Variants in TRIM71 observed in about 807,000 individuals in gnomAD.
The protein encoded by TRIM71 is tripartite motif containing 71, also known as E3 ubiquitin-protein ligase TRIM71.
Under a neutral mutation model 61.2 loss-of-function variants are expected in TRIM71, and 9 were observed. That is an observed-to-expected ratio of 0.15 (90% confidence interval 0.09 to 0.26). The LOEUF is 0.26. Among genes scored for constraint, TRIM71 ranks in the 10% least tolerant of loss-of-function variants. The pLI is 1.00. For synonymous variants in TRIM71, 645 were observed against 553.2 expected, an observed-to-expected ratio of 1.17 and a Z score of -2.33; for missense variants, 998 against 1,238.7, an observed-to-expected ratio of 0.81 and a Z score of 2.92.
intron 1 of TRIM71, among the ~76,000 whole-genome samples, chr3:32,828,502 CTTTTTTTTTTT>C (rs67014189): frequency 3.2e-5 from 3 of 93,248 alleles, no homozygotes; most frequent in South Asian, 4.1e-4. Context: ...CAATTGTAAA[CTTTTTTTTTTT>C]TTTTTTTTTT....
intron 3 of TRIM71, among the ~76,000 whole-genome samples, chr3:32,888,306 A>G (rs1458382556): frequency 6.6e-6 from 1 of 151,948 alleles, no homozygotes; most frequent in African/African-American, 2.4e-5. Context: ...TACAGAAGTA[A>G]AGAGAAACTG....
At chr3:32,889,345 A>G (rs1295812217) in intron 3 of TRIM71, among the ~76,000 whole-genome samples, 2 of 152,046 alleles carry the variant, frequency 1.3e-5, no homozygotes, top group Non-Finnish European at 2.9e-5. Context: ...AGACACAGTC[A>G]TGGCACACTA....
At position 32,890,107 on chromosome 3, in the gene TRIM71, C is replaced by T. The variant is rs554323659; in HGVS notation, c.1156-253C>T. Among the ~76,000 whole-genome samples the T allele has an allele frequency of 1.3e-5, 2 of 152,308 alleles. No homozygotes were observed. Among genetic ancestry groups the T allele is most frequent in the East Asian group, 3.9e-4 (2 of 5,186 alleles). On this transcript the variant is annotated intron_variant, in intron 3 of 3. Transcript: ENST00000383763. The surrounding 1 kb of genome is among the most constrained non-coding windows in gnomAD (Gnocchi z 6.2). ...TGCTTTTCATAGCTAGCCACTCCCTCCAGTCCAGAGTCACTAATTACATAT... is the reference window on the plus strand; with the variant it reads ...TGCTTTTCATAGCTAGCCACTCCCTTCAGTCCAGAGTCACTAATTACATAT...
chr3:32,897,299 A>C lies in TRIM71; in HGVS notation c.*5488A>C, dbSNP rs1447022337. 2 of 152,126 alleles carry C rather than the reference A, an allele frequency of 1.3e-5. No individual in the cohort carries two copies. Among genetic ancestry groups the C allele is most frequent in the Non-Finnish European group, 2.9e-5 (2 of 68,036 alleles). The allele number at this position is 152,126 out of a possible 1,614,324, so 9.4% of individuals were successfully genotyped here. On this transcript the variant is annotated 3_prime_UTR_variant, in exon 4 of 4. Transcript: ENST00000383763. Reference sequence around the variant, plus strand: ...TAATTTGTATTTGTCCAAGGCAGACATGATATAAGGAATATGCACTACCGT... The same window carrying C: ...TAATTTGTATTTGTCCAAGGCAGACCTGATATAAGGAATATGCACTACCGT...
intron 1 of TRIM71, among the ~76,000 whole-genome samples, chr3:32,837,669 A>T (rs1470385795): frequency 1.3e-5 from 2 of 152,130 alleles, no homozygotes; most frequent in Non-Finnish European, 2.9e-5. Context: ...AATACAAAAA[A>T]TTAGCCAGAC....
At chr3:32,847,171 C>T (rs1329566574) in intron 1 of TRIM71, among the ~76,000 whole-genome samples, 1 of 150,560 alleles carries the variant, frequency 6.6e-6, no homozygotes, top group Non-Finnish European at 1.5e-5. Context: ...ACTACAGGCT[C>T]TCGCCGCCAG....
chr3:32,834,283 T>C (rs1026331921), intron 1 of TRIM71, among the ~76,000 whole-genome samples: 1 of 152,212 alleles, frequency 6.6e-6, no homozygotes, highest in African/African-American at 2.4e-5. Flanking sequence ...TAGCAGGAGA[T>C]AGTGATTAAG....
At chr3:32,821,407 C>T (rs1240875303) in intron 1 of TRIM71, among the ~76,000 whole-genome samples, 2 of 152,100 alleles carry the variant, frequency 1.3e-5, no homozygotes, top group African/African-American at 4.8e-5. Flanking sequence ...GAAGGAGGCC[C>T]AAACACCCTA....
At chr3:32,829,186 T>C (rs1416960670) in intron 1 of TRIM71, among the ~76,000 whole-genome samples, 2 of 88,300 alleles carry the variant, frequency 2.3e-5, no homozygotes, top group Non-Finnish European at 5.6e-5. Context: ...TTTTCTTTTC[T>C]TTTTTTTTTT....
chr3:32,818,682 C>G lies in TRIM71; in HGVS notation c.602C>G (p.Ser201Trp), dbSNP rs1696091290. Residue 201 changes from serine (S) to tryptophan (W), a missense_variant, in exon 1 of 4, where the codon TCG (serine) becomes TGG (tryptophan). Ser to Trp is a radical substitution (Grantham distance 177). Around this residue, in one of 5 missense-constraint regions of TRIM71, gnomAD observed 527 missense variants for 427.8 expected, o/e 1.23. Coordinates refer to ENST00000383763, the MANE Select transcript of TRIM71 (RefSeq NM_001039111.3). ...LLLRRPHGCS[S>W]CDEGNAASSR... ...CTCCGCCGTCCTCACGGCTGCAGCT[C>G]GTGCGATGAGGGCAACGCAGCTTCT... 1 of 1,560,284 alleles carries G rather than the reference C, an allele frequency of 6.4e-7. No individual in the cohort carries two copies. The highest frequency in any genetic ancestry group is 8.6e-7 in the Non-Finnish European group (1 of 1,161,454).
In TRIM71 at chr3:32,873,980, A is replaced by C. The variant is rs971094853; in HGVS notation, c.1015A>C (p.Ile339Leu). ...AGATGCCCAGCAGGGACGACAGGCA[A>C]TCCAGGTGAGCCTTCCCTGCCCTTC... is the stretch of plus-strand genomic sequence containing the variant. ...LADAQQGRQA[I>L]QLSIEQAQTV... The change falls in exon 2 of 4, where the codon ATC becomes CTC. Residue 339 changes from isoleucine (I) to leucine (L), a missense_variant. This residue lies in a region of TRIM71 where 291 missense variants were observed against 431.2 expected (regional missense o/e 0.67). Transcript: ENST00000383763. The C allele has an allele frequency of 1.2e-6, 2 of 1,607,958 alleles. No homozygotes were observed. The highest frequency in any genetic ancestry group is 1.7e-6 in the Non-Finnish European group (2 of 1,177,550).
intron 1 of TRIM71, among the ~76,000 whole-genome samples, chr3:32,846,252 T>G (rs1046697845): frequency 2.6e-5 from 4 of 151,992 alleles, no homozygotes; most frequent in Non-Finnish European, 4.4e-5. Context: ...ATTTTTTGTA[T>G]TTTTAGTAGA....
At chr3:32,883,778 A>G (rs745510869) in intron 2 of TRIM71, among the ~76,000 whole-genome samples, 5 of 152,214 alleles carry the variant, frequency 3.3e-5, no homozygotes, top group Non-Finnish European at 7.3e-5. Flanking sequence ...TGTTCTGCTA[A>G]TTGTTCTGCT....
At chr3:32,878,522 G>GA (rs1696873977) in intron 2 of TRIM71, among the ~76,000 whole-genome samples, 1 of 152,186 alleles carries the variant, frequency 6.6e-6, no homozygotes. Flanking sequence ...GGCTGAAGCA[G>GA]GAGAATTGCT....
chr3:32,870,875 T>C (rs1399575193), intron 1 of TRIM71, among the ~76,000 whole-genome samples: 7 of 152,156 alleles, frequency 4.6e-5, no homozygotes, highest in Admixed American at 4.6e-4. Context: ...TTCAGTGCCA[T>C]GGTCACGGCT....
In TRIM71 at chr3:32,892,071, T is replaced by C; in HGVS notation, c.*260T>C. On this transcript the variant is annotated 3_prime_UTR_variant, in exon 4 of 4. Transcript: ENST00000383763. ...GAAGTGATAATTTCTATCTACCTCA[T>C]AAATCTTTACATTTCCTTCTGCAAC... The C allele has an allele frequency of 2.4e-6, 1 of 422,578 alleles. No individual in the cohort carries two copies. Among genetic ancestry groups the C allele is most frequent in the South Asian group, 2.9e-5 (1 of 33,902 alleles). 26.2% of individuals were successfully genotyped at this position (422,578 alleles called of 1,614,324 possible).
rs1697077964 is a variant in TRIM71, at chr3:32,896,376, G to A, written c.*4565G>A. 1 of 152,128 alleles carries A rather than the reference G, an allele frequency of 6.6e-6. No individual in the cohort carries two copies. The highest frequency in any genetic ancestry group is 2.1e-4 in the South Asian group (1 of 4,832). The allele number at this position is 152,128 out of a possible 1,614,324, so 9.4% of individuals were successfully genotyped here. On this transcript the variant is annotated 3_prime_UTR_variant, in exon 4 of 4. Transcript: ENST00000383763. ...TCACTGTTTTGACTGAGCAGTGACT[G>A]TTGAAGTGTGTATTGCTCTTTTGTT...
intron 1 of TRIM71, among the ~76,000 whole-genome samples, chr3:32,839,775 C>T (rs1337489113): frequency 6.6e-6 from 1 of 151,784 alleles, no homozygotes; most frequent in African/African-American, 2.4e-5. Context: ...GCTGGCAAGT[C>T]AGAGGTTGCT....
intron 1 of TRIM71, among the ~76,000 whole-genome samples, chr3:32,849,482 C>G (rs1035966312): frequency 1.3e-5 from 2 of 152,158 alleles, no homozygotes; most frequent in African/African-American, 4.8e-5. Context: ...CCTCAGCTTC[C>G]CCAGTAGCTG....
Sources: allele counts gnomAD v4.1 joint callset (sites outside exome capture counted in the v4.1 genomes callset), GRCh38; gene constraint gnomAD v4.1.1; regional missense constraint gnomAD v4.1.1; non-coding constraint Gnocchi (gnomAD v3.1); transcripts MANE v1.5; gene names NCBI Gene and HGNC (gene_info 2026-07-23, HGNC 2026-07-21).